SIK2: variants seen among roughly 807,000 people sequenced by gnomAD.
The protein encoded by SIK2 is salt inducible kinase 2.
A neutral mutation model predicts 103.2 loss-of-function variants in SIK2; 29 were observed. The observed-to-expected ratio is 0.28, with a 90% CI of 0.21 to 0.38. SIK2 has a LOEUF of 0.38. SIK2 is among the 10% of genes least tolerant of loss of function. SIK2 has a pLI of 1.00. For missense variants in SIK2, 879 were observed against 1,171.0 expected (o/e 0.75, Z 3.64); for synonymous variants, 412 against 446.1 (o/e 0.92, Z 0.96).
chr11:111,630,823 G>A (rs556086821), intron 3 of SIK2, among the ~76,000 whole-genome samples: 1 of 152,242 alleles, frequency 6.6e-6, no homozygotes, highest in East Asian at 1.9e-4. Flanking sequence ...GGTTAAGGAT[G>A]CATGGGTGAT....
chr11:111,709,058 G>A (rs188366965), intron 8 of SIK2, among the ~76,000 whole-genome samples: 7 of 152,326 alleles, frequency 4.6e-5, no homozygotes, highest in East Asian at 1.9e-4. Flanking sequence ...CTGCCGTAAC[G>A]AAATACCACA....
At chr11:111,654,094 G>A (rs1480425846) in intron 3 of SIK2, among the ~76,000 whole-genome samples, 1 of 152,188 alleles carries the variant, frequency 6.6e-6, no homozygotes, top group African/African-American at 2.4e-5. Context: ...GTATATGTTA[G>A]TAAATATTTT....
chr11:111,658,554 G>A (rs987668949), intron 3 of SIK2, among the ~76,000 whole-genome samples: 2 of 152,122 alleles, frequency 1.3e-5, no homozygotes, highest in Admixed American at 6.5e-5. Context: ...ACCAGCCTGG[G>A]CAACATGGCA....
Position 111,631,116 on chromosome 11 carries a change from C to G in SIK2, c.316+10714C>G, listed in dbSNP as rs188935550. ...ATTCCTCCTTCTCTGAAAAGGTGTG[C>G]ATTGGTGCAGTTACAATGATAATTA... On this transcript the variant is annotated intron_variant, in intron 3 of 14. Transcript: ENST00000304987. 7.9e-5 allele frequency among the ~76,000 whole-genome samples: 12 copies of G among 152,188 alleles called. No individual in the cohort carries two copies. In the East Asian group the frequency reaches 2.1e-3, roughly 27 times the overall value.
Position 111,728,287 on chromosome 11 carries a change from ATTT to A in SIK2, c.*4159_*4161del, listed in dbSNP as rs1565408990. 5.5e-5 allele frequency: 4 copies of A among 73,040 alleles called. No individual in the cohort carries two copies. Among genetic ancestry groups the A allele is most frequent in the African/African-American group, 9.4e-5 (2 of 21,182 alleles). The allele number at this position is 73,040 out of a possible 1,614,324, so 4.5% of individuals were successfully genotyped here. On this transcript the variant is annotated 3_prime_UTR_variant, in exon 15 of 15. Coordinates refer to ENST00000304987, the MANE Select transcript of SIK2 (RefSeq NM_015191.3). ...GATCATTTTGTTGCTTCTGGAATTT[ATTT>A]AATTTTTTTTTTTTTTGAGACAGAG...
In SIK2 at chr11:111,719,929, A is replaced by G; in HGVS notation, c.1421A>G (p.Gln474Arg). 6.2e-7 allele frequency: 1 copy of G among 1,614,178 alleles called. No individual in the cohort carries two copies. ...EDPAHAFEAFQSTRSGQRRHT... is the reference protein window; with the variant it reads ...EDPAHAFEAFRSTRSGQRRHT... ...CCCGCTCATGCCTTTGAGGCATTTC[A>G]GTCCACACGCAGCGGGCAGAGACGG... is the stretch of plus-strand genomic sequence containing the variant. Residue 474 changes from glutamine to arginine, a missense_variant, in exon 10 of 15, where the codon CAG (glutamine) becomes CGG (arginine). Gln to Arg is a conservative substitution (Grantham distance 43). Transcript: ENST00000304987.
At chr11:111,666,649 T>C (rs1371453208) in intron 3 of SIK2, among the ~76,000 whole-genome samples, 1 of 152,302 alleles carries the variant, frequency 6.6e-6, no homozygotes, top group East Asian at 1.9e-4. Flanking sequence ...TTCTTCAGTT[T>C]TAGGAAAAAT....
At chr11:111,641,797 C>G (rs1018614948) in intron 3 of SIK2, among the ~76,000 whole-genome samples, 3 of 152,118 alleles carry the variant, frequency 2.0e-5, no homozygotes, top group South Asian at 4.1e-4. Context: ...CTGTTATTCC[C>G]TATGTGTACC....
At position 111,632,859 on chromosome 11, in the gene SIK2, T is replaced by G. The variant is rs554418532; in HGVS notation, c.316+12457T>G. On this transcript the variant is annotated intron_variant, in intron 3 of 14. Transcript: ENST00000304987. Reference sequence around the variant, plus strand: ...TAAAGAATAGAAACAGGGAAAGCATTTAATGGTTTTGTCAACTACAGTGAA... The same window carrying G: ...TAAAGAATAGAAACAGGGAAAGCATGTAATGGTTTTGTCAACTACAGTGAA... 3.3e-5 allele frequency among the ~76,000 whole-genome samples: 5 copies of G among 152,278 alleles called. No individual in the cohort carries two copies. In the East Asian group the frequency reaches 9.6e-4, roughly 29 times the overall value.
chr11:111,703,292 A>G lies in SIK2; in HGVS notation c.817A>G (p.Ile273Val), dbSNP rs558003677. The G allele has an allele frequency of 6.2e-7, 1 of 1,614,200 alleles. No homozygotes were observed. The highest frequency in any genetic ancestry group is 1.1e-5 in the South Asian group (1 of 91,092). Residue 273 changes from isoleucine to valine, a missense_variant, in exon 7 of 15, where the codon ATA becomes GTA. By Grantham distance (29) the Ile-to-Val change is conservative. This residue lies in a region of SIK2 where 99 missense variants were observed against 153.9 expected (regional missense o/e 0.64). Coordinates refer to ENST00000304987, the MANE Select transcript of SIK2 (RefSeq NM_015191.3). ...AQIKEHKWML[I>V]EVPVQRPVLY... The stretch of plus-strand genomic sequence containing the variant: ...AATCAAGGAGCATAAATGGATGCTC[A>G]TAGAAGTTCCTGTCCAGAGACCTGT...
intron 1 of SIK2, among the ~76,000 whole-genome samples, chr11:111,604,342 G>C (rs773907837): frequency 6.6e-6 from 1 of 152,200 alleles, no homozygotes; most frequent in Non-Finnish European, 1.5e-5. Context: ...GTTATAGAGA[G>C]GTTCTACAAA....
chr11:111,641,369 C>T (rs1211512269), intron 3 of SIK2, among the ~76,000 whole-genome samples: 2 of 152,158 alleles, frequency 1.3e-5, no homozygotes, highest in East Asian at 1.9e-4. Flanking sequence ...TTCTTCTCCT[C>T]CTAAATAAGC....
At chr11:111,619,615 G>A (rs1447242476) in intron 2 of SIK2, among the ~76,000 whole-genome samples, 1 of 152,084 alleles carries the variant, frequency 6.6e-6, no homozygotes, top group Non-Finnish European at 1.5e-5. Context: ...AAAGAGCTGG[G>A]ATTACAGGTG....
Position 111,654,842 on chromosome 11 carries a change from A to G in SIK2, c.317-33159A>G, listed in dbSNP as rs149992542. On this transcript the variant is annotated intron_variant, in intron 3 of 14. Coordinates refer to ENST00000304987, the MANE Select transcript of SIK2 (RefSeq NM_015191.3). Reference sequence around the variant, plus strand: ...CTTCACACTTTTGGAGTATTGTACAAAAGCTTCATGGAGAATGTGACTATG... The same window carrying G: ...CTTCACACTTTTGGAGTATTGTACAGAAGCTTCATGGAGAATGTGACTATG... Among the ~76,000 whole-genome samples the G allele has an allele frequency of 7.6e-4, 116 of 152,348 alleles. 1 individual carries two copies. Among genetic ancestry groups the G allele is most frequent in the Middle Eastern group, 3.4e-3 (1 of 294 alleles).
chr11:111,683,170 G>A (rs1167045242), intron 3 of SIK2: 3 of 154,914 alleles, frequency 1.9e-5, no homozygotes, highest in South Asian at 2.1e-4. Flanking sequence ...GGGTTGATTT[G>A]GCTGATCTGG....
chr11:111,674,096 A>T (rs1389850932), intron 3 of SIK2, among the ~76,000 whole-genome samples: 2 of 151,898 alleles, frequency 1.3e-5, no homozygotes, highest in African/African-American at 4.8e-5. Context: ...AAAAAAGAAA[A>T]AAAAAAGCTT....
At chr11:111,626,655 G>A (rs1186232338) in intron 3 of SIK2, among the ~76,000 whole-genome samples, 2 of 148,704 alleles carry the variant, frequency 1.3e-5, no homozygotes, top group Non-Finnish European at 3.0e-5. Flanking sequence ...AATCACAAAC[G>A]TAATCATGTT....
Position 111,727,032 on chromosome 11 carries a change from T to G in SIK2, c.*2903T>G. Reference sequence around the variant, plus strand: ...CAGCTGGGCAAGTGTGTCTCTAGTATCTCCACGCAACTGATACACTGGTCC... The same window carrying G: ...CAGCTGGGCAAGTGTGTCTCTAGTAGCTCCACGCAACTGATACACTGGTCC... On this transcript the variant is annotated 3_prime_UTR_variant, in exon 15 of 15. Coordinates refer to ENST00000304987, the MANE Select transcript of SIK2 (RefSeq NM_015191.3). The G allele has an allele frequency of 6.2e-7, 1 of 1,614,126 alleles. No individual in the cohort carries two copies. Among genetic ancestry groups the G allele is most frequent in the East Asian group, 2.2e-5 (1 of 44,888 alleles).
At chr11:111,669,091 T>C (rs1017996204) in intron 3 of SIK2, among the ~76,000 whole-genome samples, 1 of 152,172 alleles carries the variant, frequency 6.6e-6, no homozygotes, top group East Asian at 1.9e-4. Context: ...AATGAAAGTT[T>C]TAAAGAGAAC....
Sources: gnomAD v4.1 joint callset for allele counts (sites outside exome capture counted in the v4.1 genomes callset) on GRCh38, gnomAD v4.1.1 for gene constraint, gnomAD v4.1.1 regional missense constraint, MANE v1.5 for transcripts, NCBI Gene and HGNC (gene_info 2026-07-23, HGNC 2026-07-21) for gene names.